Variants in CEP63 observed in about 807,000 individuals in gnomAD.
CEP63 encodes centrosomal protein of 63 kDa.
Under a neutral mutation model 89.1 loss-of-function variants are expected in CEP63, and 84 were observed. The ratio of observed to expected loss-of-function variants is 0.94; its 90% CI spans 0.79 to 1.13. The LOEUF (loss-of-function observed/expected upper bound fraction) is 1.13. CEP63 is among the 50% of genes most tolerant of loss of function. The probability of loss-of-function intolerance (pLI) is 0.00; values close to 1 mark genes in which losing one functional copy is unlikely to be tolerated. For synonymous variants in CEP63, 267 were observed against 272.5 expected (o/e 0.98, Z 0.20); for missense variants, 838 against 813.3 (o/e 1.03, Z -0.37).
chr3:134,766,915 C>A, the CEP63 span, among the ~76,000 whole-genome samples: 1 of 152,218 alleles, frequency 6.6e-6, no homozygotes, highest in Non-Finnish European at 1.5e-5. Flanking sequence ...CTGTTTTTAA[C>A]AACTGGCTTG....
At chr3:134,675,858 C>T in the CEP63 span, among the ~76,000 whole-genome samples, 23,628 of 151,974 alleles carry the variant, frequency 0.16, 1,924 homozygotes, top group Middle Eastern at 0.22. Context: ...AAAAGGTATA[C>T]GTAATAAAAA....
chr3:134,568,723 T>TAA (rs570230101), downstream of CEP63, among the ~76,000 whole-genome samples: 14 of 152,332 alleles, frequency 9.2e-5, no homozygotes, highest in East Asian at 2.5e-3. Context: ...TAACCCATTG[T>TAA]TTAACAACAC....
the CEP63 span, among the ~76,000 whole-genome samples, chr3:134,676,720 A>G: frequency 1.3e-5 from 2 of 152,134 alleles, no homozygotes; most frequent in African/African-American, 2.4e-5. Context: ...GAGCCCCTAT[A>G]ATCAGTTGTG....
chr3:134,615,428 T>G, the CEP63 span: 1 of 148,484 alleles, frequency 6.7e-6, no homozygotes, highest in Non-Finnish European at 1.5e-5. Flanking sequence ...ATATTCCTCA[T>G]AGCTGACATG....
At chr3:134,628,597 C>T in the CEP63 span, among the ~76,000 whole-genome samples, 3 of 152,194 alleles carry the variant, frequency 2.0e-5, no homozygotes, top group Admixed American at 1.3e-4. Context: ...GTATTTCACA[C>T]CTACATTTTT....
chr3:134,700,063 T>C, the CEP63 span, among the ~76,000 whole-genome samples: 2 of 152,262 alleles, frequency 1.3e-5, no homozygotes, highest in African/African-American at 2.4e-5. Context: ...TCCTTACATG[T>C]TGTGCCCTTG....
At chr3:134,723,998 A>G in the CEP63 span, among the ~76,000 whole-genome samples, 152,307 of 152,344 alleles carry the variant, frequency 1, 76,135 homozygotes, top group Non-Finnish European at 1. Context: ...TGTGGGTGAC[A>G]TGAAAATCCA....
the CEP63 span, among the ~76,000 whole-genome samples, chr3:134,757,980 G>A: frequency 5.3e-5 from 8 of 152,142 alleles, no homozygotes; most frequent in Non-Finnish European, 8.8e-5. Flanking sequence ...ACAGTGAAAG[G>A]TTTGGAAACC....
the CEP63 span, among the ~76,000 whole-genome samples, chr3:134,771,040 A>G: frequency 2.0e-5 from 3 of 152,232 alleles, no homozygotes; most frequent in South Asian, 2.1e-4. Flanking sequence ...CCTTAAGAAT[A>G]CATTTGAACG....
At chr3:134,758,494 C>T in the CEP63 span, among the ~76,000 whole-genome samples, 2 of 152,198 alleles carry the variant, frequency 1.3e-5, no homozygotes, top group African/African-American at 2.4e-5. Context: ...TAGATGGTCT[C>T]AGCCGCCCAG....
the CEP63 span, among the ~76,000 whole-genome samples, chr3:134,694,644 T>G: frequency 6.6e-6 from 1 of 152,234 alleles, no homozygotes; most frequent in African/African-American, 2.4e-5. Context: ...TGCCAGGGGC[T>G]GCTGCTTCAC....
At chr3:134,548,530 T>C (rs572053112) in intron 9 of CEP63, among the ~76,000 whole-genome samples, 17 of 152,246 alleles carry the variant, frequency 1.1e-4, no homozygotes, top group Non-Finnish European at 2.4e-4. Flanking sequence ...ACATGAATCA[T>C]GATCATTTGT....
At chr3:134,583,623 A>C (rs1383138124) in intron 10 of CEP63, among the ~76,000 whole-genome samples, 1 of 152,144 alleles carries the variant, frequency 6.6e-6, no homozygotes, top group Non-Finnish European at 1.5e-5. Context: ...TGATACCTCC[A>C]GCTTTGTTCT....
the CEP63 span, chr3:134,629,773 TA>T: frequency 1.5e-5 from 13 of 840,332 alleles, no homozygotes; most frequent in South Asian, 8.9e-5. Context: ...GATGATTGAA[TA>T]AAAAAACAAT....
chr3:134,558,908 T>A (rs555317172), intron 13 of CEP63, among the ~76,000 whole-genome samples: 2 of 152,316 alleles, frequency 1.3e-5, no homozygotes, highest in Non-Finnish European at 2.9e-5. Context: ...TAGATTACTC[T>A]GGCAGCTTGT....
At chr3:134,595,194 G>A in the CEP63 span, among the ~76,000 whole-genome samples, 5 of 152,174 alleles carry the variant, frequency 3.3e-5, no homozygotes, top group Non-Finnish European at 7.3e-5. Context: ...CTCTCATGCT[G>A]TTCTCGTGAT....
chr3:134,644,494 T>C, the CEP63 span, among the ~76,000 whole-genome samples: 1 of 152,236 alleles, frequency 6.6e-6, no homozygotes, highest in Non-Finnish European at 1.5e-5. Flanking sequence ...GGGGGAAGGC[T>C]GGGCAAGGGG....
the CEP63 span, among the ~76,000 whole-genome samples, chr3:134,706,494 G>A: frequency 1.3e-5 from 2 of 152,056 alleles, no homozygotes; most frequent in African/African-American, 2.4e-5. Context: ...AGACTAGGAG[G>A]AGGTACCTGT....
At chr3:134,733,638 T>A in the CEP63 span, among the ~76,000 whole-genome samples, 1 of 152,178 alleles carries the variant, frequency 6.6e-6, no homozygotes, top group East Asian at 1.9e-4. Flanking sequence ...GAGAACGCCA[T>A]GTGCCAGTGG....
Sources: allele counts gnomAD v4.1 joint callset (sites outside exome capture counted in the v4.1 genomes callset), GRCh38; gene constraint gnomAD v4.1.1; transcripts MANE v1.5; gene names NCBI Gene and HGNC (gene_info 2026-07-23, HGNC 2026-07-21).